Variants in OPCML observed in about 807,000 individuals in gnomAD.
The protein encoded by OPCML is opioid-binding protein/cell adhesion molecule.
Under a neutral mutation model 37.8 loss-of-function variants are expected in OPCML, and 13 were observed. The observed-to-expected ratio is 0.34, with a 90% CI of 0.22 to 0.55. OPCML has a LOEUF of 0.55. Among genes scored for constraint, OPCML ranks in the 20% least tolerant of loss-of-function variants. The pLI, the probability that OPCML is intolerant of heterozygous loss-of-function variation, is 0.91. For synonymous variants in OPCML, 176 were observed against 168.8 expected, an observed-to-expected ratio of 1.04 and a Z score of -0.33; for missense variants, 341 against 435.6, an observed-to-expected ratio of 0.78 and a Z score of 1.93.
chr11:132,973,206 C>T (rs1026589206), intron 1 of OPCML, among the ~76,000 whole-genome samples: 1 of 152,200 alleles, frequency 6.6e-6, no homozygotes, highest in South Asian at 2.1e-4. Flanking sequence ...TCCTCCTTCT[C>T]CTCCTTCTAA....
At chr11:133,235,527 C>T (rs1011678568) in intron 1 of OPCML, among the ~76,000 whole-genome samples, 1 of 152,140 alleles carries the variant, frequency 6.6e-6, no homozygotes, top group African/African-American at 2.4e-5. Flanking sequence ...AACAGCAAAA[C>T]GAGGAATGCT....
chr11:133,251,890 T>A (rs1397506537), intron 1 of OPCML, among the ~76,000 whole-genome samples: 1 of 152,140 alleles, frequency 6.6e-6, no homozygotes, highest in Non-Finnish European at 1.5e-5. Flanking sequence ...GCTAAGATAT[T>A]TCAGGCAGTG....
chr11:132,436,142 T>C lies in OPCML; in HGVS notation c.860A>G (p.Tyr287Cys). The C allele has an allele frequency of 6.2e-7, 1 of 1,614,224 alleles. No individual in the cohort carries two copies. Among genetic ancestry groups the C allele is most frequent in the Non-Finnish European group, 8.5e-7 (1 of 1,180,036 alleles). ...AAGCTTGTTCGTGGCCACACAAGTATAGTTCCCATAATCCTTTTCTGAAAC... is the reference window on the plus strand; with the variant it reads ...AAGCTTGTTCGTGGCCACACAAGTACAGTTCCCATAATCCTTTTCTGAAAC... ...FNVSEKDYGN[Y>C]TCVATNKLGN... is the part of the protein sequence containing the mutation. The change falls in exon 7 of 8, where the codon TAT (tyrosine) becomes TGT (cysteine). Residue 287 changes from tyrosine to cysteine, a missense_variant. By Grantham distance (194) the Tyr-to-Cys change is radical. Coordinates refer to ENST00000524381, the MANE Select transcript of OPCML (RefSeq NM_001012393.5).
chr11:132,730,554 C>T (rs1333939454), intron 2 of OPCML, among the ~76,000 whole-genome samples: 1 of 151,812 alleles, frequency 6.6e-6, no homozygotes, highest in Non-Finnish European at 1.5e-5. Context: ...GAAGATAACC[C>T]CCTGGAGAAG....
chr11:133,017,304 G>C lies in OPCML; in HGVS notation c.62-74294C>G, dbSNP rs1947352000. 2.6e-5 allele frequency among the ~76,000 whole-genome samples: 4 copies of C among 152,056 alleles called. 1 individual carries two copies. In the South Asian group the frequency reaches 8.3e-4, roughly 32 times the overall value. ...CTAGGGGTTCAACATGTGATATCTG[G>C]GGGAATACAGTCTGTCCAGGTATTA... On this transcript the variant is annotated intron_variant, in intron 1 of 7. Transcript: ENST00000524381.
intron 4 of OPCML, among the ~76,000 whole-genome samples, chr11:132,447,995 G>T (rs2096059748): frequency 6.6e-6 from 1 of 152,234 alleles, no homozygotes; most frequent in South Asian, 2.1e-4. Flanking sequence ...CCCAGGAGAA[G>T]GAAAGCCAGC....
chr11:133,109,055 G>A (rs920139420), intron 1 of OPCML, among the ~76,000 whole-genome samples: 1 of 152,194 alleles, frequency 6.6e-6, no homozygotes, highest in Admixed American at 6.5e-5. Context: ...GGGTTTCCTG[G>A]CCGCTCTTTC....
At chr11:132,767,397 T>A (rs533715509) in intron 2 of OPCML, among the ~76,000 whole-genome samples, 1 of 152,232 alleles carries the variant, frequency 6.6e-6, no homozygotes, top group African/African-American at 2.4e-5. Context: ...TTGAGGTCAA[T>A]AACTAATATT....
intron 1 of OPCML, among the ~76,000 whole-genome samples, chr11:133,484,703 A>G (rs1244692507): frequency 6.6e-6 from 1 of 152,238 alleles, no homozygotes; most frequent in African/African-American, 2.4e-5. Context: ...ATAGTAAAAT[A>G]GAATTTAGTA....
intron 1 of OPCML, among the ~76,000 whole-genome samples, chr11:133,063,632 G>A (rs963071152): frequency 1.3e-5 from 2 of 151,790 alleles, no homozygotes; most frequent in African/African-American, 4.9e-5. Flanking sequence ...CTTGATCTTG[G>A]CTCACTACAA....
chr11:132,798,250 T>G (rs989023760), intron 2 of OPCML, among the ~76,000 whole-genome samples: 1 of 152,122 alleles, frequency 6.6e-6, no homozygotes, highest in Admixed American at 6.5e-5. Context: ...TTTGTATTTT[T>G]GGTAGAGATG....
chr11:132,896,369 A>G (rs897487790), intron 2 of OPCML, among the ~76,000 whole-genome samples: 1 of 152,204 alleles, frequency 6.6e-6, no homozygotes, highest in African/African-American at 2.4e-5. Flanking sequence ...ACCAGACCTT[A>G]CAATGGGAGC....
At chr11:132,822,773 G>T (rs1410205469) in intron 2 of OPCML, among the ~76,000 whole-genome samples, 1 of 152,188 alleles carries the variant, frequency 6.6e-6, no homozygotes, top group Non-Finnish European at 1.5e-5. Flanking sequence ...GTTGTAACCT[G>T]AGGAGCAGCT....
intron 1 of OPCML, among the ~76,000 whole-genome samples, chr11:133,172,222 G>A (rs183977539): frequency 6.6e-6 from 1 of 152,128 alleles, no homozygotes; most frequent in Non-Finnish European, 1.5e-5. Flanking sequence ...GGGGACACGA[G>A]GTGATGAACA....
chr11:132,454,251 TGCTA>T (rs926048308), intron 4 of OPCML, among the ~76,000 whole-genome samples: 6 of 152,234 alleles, frequency 3.9e-5, no homozygotes, highest in African/African-American at 1.2e-4. Flanking sequence ...TAGCTTTCGT[TGCTA>T]GTTTTACAGA....
intron 1 of OPCML, among the ~76,000 whole-genome samples, chr11:133,329,346 A>G (rs550275224): frequency 6.6e-4 from 101 of 152,328 alleles, no homozygotes; most frequent in African/African-American, 2.2e-3. Flanking sequence ...TAAAGTTCAT[A>G]TGGCACCAAA....
chr11:133,436,203 T>C (rs1240276133), intron 1 of OPCML, among the ~76,000 whole-genome samples: 2 of 152,306 alleles, frequency 1.3e-5, no homozygotes, highest in East Asian at 3.9e-4. Flanking sequence ...TTTGCTTATA[T>C]TGTCCCTTTC....
chr11:132,676,412 A>T (rs1325300498), intron 2 of OPCML, among the ~76,000 whole-genome samples: 1 of 152,078 alleles, frequency 6.6e-6, no homozygotes, highest in African/African-American at 2.4e-5. Context: ...AGTATAAGCA[A>T]CAAATAAAAA....
intron 1 of OPCML, among the ~76,000 whole-genome samples, chr11:133,341,433 C>T (rs1281773124): frequency 2.0e-5 from 3 of 152,134 alleles, no homozygotes; most frequent in Non-Finnish European, 4.4e-5. Flanking sequence ...GCAGGAGCTC[C>T]TACCCTTTGA....
Sources: allele counts gnomAD v4.1 joint callset (sites outside exome capture counted in the v4.1 genomes callset), GRCh38; gene constraint gnomAD v4.1.1; transcripts MANE v1.5; gene names NCBI Gene and HGNC (gene_info 2026-07-23, HGNC 2026-07-21).